The following CCNF variants were observed in gnomAD, a reference collection of about 807,000 sequenced individuals.
CCNF encodes cyclin F.
Under a neutral mutation model 85.4 loss-of-function variants are expected in CCNF, and 30 were observed. That is an observed-to-expected ratio of 0.35 (90% CI 0.26 to 0.48). The LOEUF (loss-of-function observed/expected upper bound fraction) is 0.48. CCNF is among the 20% of genes least tolerant of loss of function. CCNF has a pLI of 0.99. For missense variants in CCNF, 919 were observed against 1,010.4 expected (o/e 0.91, Z 1.23); for synonymous variants, 439 against 425.1 (o/e 1.03, Z -0.40).
intron 11 of CCNF, 106 bp downstream of exon 11, chr16:2,449,084 G>A (rs2141826902): frequency 6.6e-7 from 1 of 1,524,548 alleles, no homozygotes; most frequent in Non-Finnish European, 9.1e-7. Flanking sequence ...TGGACTCAGA[G>A]AGCAGCTGTC....
At chr16:2,441,171 T>C (rs991231956) in intron 8 of CCNF, among the ~76,000 whole-genome samples, 3 of 151,614 alleles carry the variant, frequency 2.0e-5, no homozygotes, top group Non-Finnish European at 4.4e-5. Context: ...GAGGAGGAAG[T>C]TGCAGTGAGC....
At position 2,458,273 on chromosome 16, in the gene CCNF, G is replaced by A. The variant is rs2065442216; in HGVS notation, c.*1253G>A. 1 of 139,306 alleles carries A rather than the reference G, an allele frequency of 7.2e-6. No individual in the cohort carries two copies. The highest frequency in any genetic ancestry group is 1.5e-5 in the Non-Finnish European group (1 of 65,638). The allele number at this position is 139,306 out of a possible 1,614,324, so 8.6% of individuals were successfully genotyped here. A position where few individuals can be genotyped will look rare whatever the true frequency, so the allele number is the denominator to read the frequency against. On this transcript the variant is annotated 3_prime_UTR_variant, in exon 17 of 17. Coordinates refer to ENST00000397066, the MANE Select transcript of CCNF (RefSeq NM_001761.3). ...AGATGCTTTTTTTTTTTTTTTTTTG[G>A]AGACAGTTTTGCTCTTGTCTCCCCG...
chr16:2,440,304 A>T (rs1457176613), intron 8 of CCNF, among the ~76,000 whole-genome samples: 1 of 151,492 alleles, frequency 6.6e-6, no homozygotes, highest in African/African-American at 2.4e-5. Flanking sequence ...GCATTGGTAG[A>T]CTCTCCCCTC....
intron 11 of CCNF, 62 bp downstream of exon 11, chr16:2,449,040 G>C: frequency 4.9e-6 from 4 of 821,396 alleles, no homozygotes; most frequent in African/African-American, 1.7e-5. Flanking sequence ...GGGTGGGGGT[G>C]GGCATTCAGC....
Position 2,449,269 on chromosome 16 carries a change from C to T in CCNF, c.1219-13C>T, listed in dbSNP as rs779898364. The stretch of plus-strand genomic sequence containing the variant: ...CGAGCGCTGAGAGCCCACACCCCGT[C>T]CCGGCTGTCTAGGTCCCCACTGTGG... On this transcript the variant is annotated splice_polypyrimidine_tract_variant and intron_variant, in intron 11 of 16. Coordinates refer to ENST00000397066, the MANE Select transcript of CCNF (RefSeq NM_001761.3). 1 of 1,613,276 alleles carries T rather than the reference C, an allele frequency of 6.2e-7. No homozygotes were observed. The highest frequency in any genetic ancestry group is 8.5e-7 in the Non-Finnish European group (1 of 1,179,478).
intron 8 of CCNF, among the ~76,000 whole-genome samples, chr16:2,442,876 TATTATA>T (rs1244481890): frequency 6.3e-5 from 2 of 31,806 alleles, no homozygotes; most frequent in Non-Finnish European, 8.5e-5. Flanking sequence ...ATATATATTA[TATTATA>T]ATTATATATT....
chr16:2,443,527 G>A (rs1190854545), intron 8 of CCNF, 122 bp from the exon 9 acceptor site: 1 of 869,368 alleles, frequency 1.2e-6, no homozygotes, highest in African/African-American at 1.7e-5. Context: ...GCTTGTGAAG[G>A]TTTAAGTTAA....
At chr16:2,435,928 C>A in intron 4 of CCNF, 55 bp downstream of exon 4, 2 of 1,347,544 alleles carry the variant, frequency 1.5e-6, no homozygotes, top group Non-Finnish European at 2.1e-6. Flanking sequence ...GAGCCTTTGG[C>A]CCTATGAAGA....
Position 2,430,894 on chromosome 16 carries a change from A to G in CCNF, c.17-236A>G, listed in dbSNP as rs2065258898. The G allele has an allele frequency of 8.7e-6, 6 of 693,216 alleles. No homozygotes were observed. In the East Asian group the frequency reaches 1.6e-4, roughly 19 times the overall value. 42.9% of individuals were successfully genotyped at this position (693,216 alleles called of 1,614,324 possible). A position where few individuals can be genotyped will look rare whatever the true frequency, so the allele number is the denominator to read the frequency against. ...AGTTACATGACATGCGCTATTTGCC[A>G]TAAATATTTGTTGAATATTTGAAAA... On this transcript the variant is annotated intron_variant, in intron 1 of 16. Transcript: ENST00000397066.
At chr16:2,436,061 G>A (rs2065289539) in intron 4 of CCNF, 188 bp downstream of exon 4, 2 of 479,138 alleles carry the variant, frequency 4.2e-6, no homozygotes, top group Non-Finnish European at 7.5e-6. Flanking sequence ...ATGATACTCT[G>A]ACTTTGCAGG....
intron 2 of CCNF, among the ~76,000 whole-genome samples, chr16:2,431,553 G>A (rs574448430): frequency 2.1e-4 from 32 of 151,472 alleles, no homozygotes; most frequent in African/African-American, 1.2e-4. Flanking sequence ...GGTGTCTCAC[G>A]CCTGTAATCC....
Position 2,456,640 on chromosome 16 carries a change from G to C in CCNF, c.1981G>C (p.Glu661Gln). The stretch of plus-strand genomic sequence containing the variant: ...ATCCAGTGATGAGGAGGCTTGTCCA[G>C]AGGACAAGGGACCCCAGGACCCACA... ...QESSDEEACP[E>Q]DKGPQDPQAL... Residue 661 changes from glutamate (E) to glutamine (Q), a missense_variant, in exon 17 of 17, where the codon GAG (glutamate) becomes CAG (glutamine). By Grantham distance (29) the Glu-to-Gln change is conservative. Coordinates refer to ENST00000397066, the MANE Select transcript of CCNF (RefSeq NM_001761.3). This position sits in a 1 kb window ranked among gnomAD's most constrained non-coding sequence, Gnocchi z 4.5. The C allele has an allele frequency of 6.2e-7, 1 of 1,612,464 alleles. No individual in the cohort carries two copies. The highest frequency in any genetic ancestry group is 8.5e-7 in the Non-Finnish European group (1 of 1,179,426).
chr16:2,443,716 T>C lies in CCNF; in HGVS notation c.845T>C (p.Ile282Thr). ...LGLEVRASSEIVCQLFQASQA... is the reference protein window; with the variant it reads ...LGLEVRASSETVCQLFQASQA... ...CTGGAGGTGAGAGCTTCCAGTGAGA[T>C]CGTCTGCCAGCTATTTCAGGCTTCC... Residue 282 changes from isoleucine to threonine, a missense_variant, in exon 9 of 17, where the codon ATC (isoleucine) becomes ACC (threonine). By Grantham distance (89) the Ile-to-Thr change is moderately conservative (BLOSUM62 -1). This residue lies in a region of CCNF where 410 missense variants were observed against 478.6 expected (regional missense o/e 0.86). Coordinates refer to ENST00000397066, the MANE Select transcript of CCNF (RefSeq NM_001761.3). The C allele has an allele frequency of 6.2e-7, 1 of 1,614,072 alleles. No homozygotes were observed. Among genetic ancestry groups the C allele is most frequent in the Non-Finnish European group, 8.5e-7 (1 of 1,179,948 alleles).
At chr16:2,442,082 C>A (rs11643674) in intron 8 of CCNF, among the ~76,000 whole-genome samples, 4 of 142,524 alleles carry the variant, frequency 2.8e-5, no homozygotes, top group East Asian at 2.1e-4. Context: ...CTCGGCTCAC[C>A]ACAAGCTCCG....
chr16:2,451,004 TC>T lies in CCNF; in HGVS notation c.1487+1092del, dbSNP rs1440686564. 6.6e-6 allele frequency among the ~76,000 whole-genome samples: 1 copy of T among 152,188 alleles called. No individual in the cohort carries two copies. Among genetic ancestry groups the T allele is most frequent in the Non-Finnish European group, 1.5e-5 (1 of 68,028 alleles). On this transcript the variant is annotated intron_variant, in intron 13 of 16. Coordinates refer to ENST00000397066, the MANE Select transcript of CCNF (RefSeq NM_001761.3). This position sits in a 1 kb window ranked among gnomAD's most constrained non-coding sequence, Gnocchi z 4.3. ...CTGTCTGCCCCAGCCCCACTGGGCT[TC>T]CCTCCACCTGCCCCGGCCCCTCCGC...
intron 13 of CCNF, among the ~76,000 whole-genome samples, chr16:2,450,499 A>T (rs2065388744): frequency 7.3e-6 from 1 of 136,588 alleles, no homozygotes; most frequent in Admixed American, 7.6e-5. Flanking sequence ...CAACGAGTGA[A>T]ACTCCATCTC....
intron 3 of CCNF, among the ~76,000 whole-genome samples, chr16:2,433,682 T>TTCAAGCGATTCTCCTGCC (rs1280100685): frequency 1.3e-5 from 2 of 152,212 alleles, no homozygotes; most frequent in African/African-American, 4.8e-5. Flanking sequence ...CAACTCCTGG[T>TTCAAGCGATTCTCCTGCC]TCAAGCGATT....
intron 5 of CCNF, chr16:2,437,760 G>T (rs2065299164): frequency 8.2e-6 from 3 of 366,524 alleles, no homozygotes; most frequent in South Asian, 4.3e-5. Context: ...TTAGCCAGGG[G>T]TGGTGGTGCA....
intron 10 of CCNF, among the ~76,000 whole-genome samples, chr16:2,446,677 T>C (rs2065363988): frequency 6.6e-6 from 1 of 152,234 alleles, no homozygotes. Context: ...ATGTGTAAGC[T>C]ACAGAGACTT....
Sources: gnomAD v4.1 joint callset for allele counts (sites outside exome capture counted in the v4.1 genomes callset) on GRCh38, gnomAD v4.1.1 for gene constraint, gnomAD v4.1.1 regional missense constraint, Gnocchi (gnomAD v3.1) non-coding constraint, MANE v1.5 for transcripts, NCBI Gene and HGNC (gene_info 2026-07-23, HGNC 2026-07-21) for gene names.